PSD3: variants seen among roughly 807,000 people sequenced by gnomAD.
PSD3 encodes PH and SEC7 domain-containing protein 3.
A neutral mutation model predicts 105.5 loss-of-function variants in PSD3; 49 were observed. The observed-to-expected ratio is 0.46, with a 90% CI of 0.37 to 0.59. The LOEUF is 0.59. PSD3 is among the 20% of genes least tolerant of loss of function. The pLI is 0.00. For synonymous variants in PSD3, 557 were observed against 457.8 expected, an observed-to-expected ratio of 1.22 and a Z score of -2.77; for missense variants, 1,561 against 1,263.8, an observed-to-expected ratio of 1.24 and a Z score of -3.57.
intron 12 of PSD3, among the ~76,000 whole-genome samples, chr8:18,577,085 GT>G (rs1802505795): frequency 6.6e-6 from 1 of 151,972 alleles, no homozygotes; most frequent in African/African-American, 2.4e-5. Context: ...GGGTTACACT[GT>G]GTAGCAGAGT....
rs17127333 is a variant in PSD3, at chr8:18,853,091, T to C, written c.1634+14583A>G. 0.012 allele frequency among the ~76,000 whole-genome samples: 1,866 copies of C among 152,272 alleles called. 125 individuals are homozygous for C. In the East Asian group the frequency reaches 0.23, roughly 19 times the overall value. On this transcript the variant is annotated intron_variant, in intron 4 of 15. Coordinates refer to ENST00000327040, the MANE Select transcript of PSD3 (RefSeq NM_015310.4). ...AGAGCCACTCTGCTTATGTCTCTCA[T>C]AAAATATATTTCATGGCCTTTTTCC...
chr8:18,925,406 TAC>T (rs1554543908), intron 2 of PSD3, among the ~76,000 whole-genome samples: 1 of 151,252 alleles, frequency 6.6e-6, no homozygotes, highest in African/African-American at 2.4e-5. Context: ...TATATATATA[TAC>T]ACACACACAC....
chr8:19,053,009 T>C (rs1046802293), intron 1 of PSD3, among the ~76,000 whole-genome samples: 1 of 152,144 alleles, frequency 6.6e-6, no homozygotes, highest in Non-Finnish European at 1.5e-5. Flanking sequence ...ATGAGCAGCC[T>C]GGAGCCAGGG....
chr8:18,602,332 A>C (rs180995232), intron 11 of PSD3, among the ~76,000 whole-genome samples: 5 of 152,280 alleles, frequency 3.3e-5, no homozygotes, highest in Middle Eastern at 6.8e-3. Context: ...TCTCCAAGCG[A>C]AATGTGATTT....
At chr8:18,764,017 G>A (rs1806762981) in intron 9 of PSD3, among the ~76,000 whole-genome samples, 1 of 152,202 alleles carries the variant, frequency 6.6e-6, no homozygotes, top group Admixed American at 6.5e-5. Flanking sequence ...AAGGTGAACA[G>A]TAGCCTCTGG....
At chr8:18,882,544 G>A (rs1434426234) in intron 2 of PSD3, among the ~76,000 whole-genome samples, 2 of 152,092 alleles carry the variant, frequency 1.3e-5, no homozygotes, top group African/African-American at 4.8e-5. Flanking sequence ...ACAAAGTTCA[G>A]GCAGTGGTAA....
At chr8:18,541,211 C>T (rs1181831400) in intron 15 of PSD3, among the ~76,000 whole-genome samples, 1 of 149,818 alleles carries the variant, frequency 6.7e-6, no homozygotes, top group Non-Finnish European at 1.5e-5. Flanking sequence ...TACTAGATAC[C>T]ATCACATGAG....
chr8:18,771,074 TTCTC>T (rs1807478445), intron 8 of PSD3, among the ~76,000 whole-genome samples: 1 of 152,202 alleles, frequency 6.6e-6, no homozygotes, highest in Admixed American at 6.5e-5. Context: ...GTCAAGCCAC[TTCTC>T]TCTGACATCC....
intron 4 of PSD3, among the ~76,000 whole-genome samples, chr8:18,848,131 TA>T (rs11464716): frequency 3.2e-4 from 48 of 149,332 alleles, no homozygotes; most frequent in African/African-American, 9.6e-4. Context: ...TTTCGAGAGT[TA>T]AAAAAAAAAA....
intron 11 of PSD3, among the ~76,000 whole-genome samples, chr8:18,615,148 TA>T (rs1430326492): frequency 1.0e-5 from 1 of 95,444 alleles, no homozygotes; most frequent in African/African-American, 3.4e-5. Context: ...CTTTTTCGAT[TA>T]CCTACTCCAC....
chr8:18,576,118 C>G (rs989963779), intron 12 of PSD3, among the ~76,000 whole-genome samples: 5 of 152,052 alleles, frequency 3.3e-5, no homozygotes. Context: ...CAAATTTTCA[C>G]AAAAACAATG....
intron 4 of PSD3, among the ~76,000 whole-genome samples, chr8:18,824,104 T>C (rs1350108188): frequency 6.6e-6 from 1 of 152,156 alleles, no homozygotes; most frequent in Admixed American, 6.5e-5. Flanking sequence ...GCCCAGGACT[T>C]TGAGGCTACA....
intron 9 of PSD3, among the ~76,000 whole-genome samples, chr8:18,687,610 C>T (rs28639559): frequency 0.017 from 2,575 of 152,000 alleles, 71 homozygotes; most frequent in African/African-American, 0.057. Flanking sequence ...TCCCTCTGCC[C>T]GAAACAAGAA....
chr8:18,928,048 A>T (rs1821487072), intron 2 of PSD3, among the ~76,000 whole-genome samples: 1 of 152,242 alleles, frequency 6.6e-6, no homozygotes, highest in Non-Finnish European at 1.5e-5. Context: ...CTTGTACAAC[A>T]GTTCTCCTAA....
At chr8:18,591,304 G>C (rs1803586557) in intron 12 of PSD3, among the ~76,000 whole-genome samples, 1 of 152,158 alleles carries the variant, frequency 6.6e-6, no homozygotes, top group East Asian at 1.9e-4. Context: ...TTTTCAGAGG[G>C]CTGCCTGGGT....
At chr8:18,954,634 G>C (rs1823448704) in intron 1 of PSD3, among the ~76,000 whole-genome samples, 3 of 152,084 alleles carry the variant, frequency 2.0e-5, no homozygotes, top group Admixed American at 2.0e-4. Context: ...AGTGGTGGAG[G>C]GGATGCACAA....
intron 4 of PSD3, among the ~76,000 whole-genome samples, chr8:18,818,526 C>T (rs947095963): frequency 1.3e-5 from 2 of 152,088 alleles, no homozygotes; most frequent in South Asian, 4.1e-4. Flanking sequence ...TATTTTAAGA[C>T]TGAAATCATG....
rs570707195 is a variant in PSD3, at chr8:18,808,956, G to A, written c.1635-4058C>T. ...TTCTCAGCCGAGTGTTCATTGTTGC[G>A]GTTTCTGTAATGTTTCTGCAGTTCT... On this transcript the variant is annotated intron_variant, in intron 4 of 15. Transcript: ENST00000327040. The A allele has an allele frequency of 1.3e-3, 1,791 of 1,428,186 alleles. 7 individuals are homozygous for A. The highest frequency in any genetic ancestry group is 8.8e-3 in the South Asian group (559 of 63,404). The allele number at this position is 1,428,186 out of a possible 1,614,324, so 88.5% of individuals were successfully genotyped here.
In PSD3 at chr8:18,641,680, T is replaced by G. The variant is rs948792531; in HGVS notation, c.2217-8874A>C. On this transcript the variant is annotated intron_variant, in intron 10 of 15. Transcript: ENST00000327040. ...GTGGGTGAATTTTATGGCATAAAAA[T>G]TACACCTCAATAAAGCAGTTTAAAA... Among the ~76,000 whole-genome samples the G allele has an allele frequency of 2.6e-5, 4 of 152,138 alleles. No homozygotes were observed. In the East Asian group the frequency reaches 7.8e-4, roughly 29 times the overall value.
Sources: gnomAD v4.1 joint callset for allele counts (sites outside exome capture counted in the v4.1 genomes callset) on GRCh38, gnomAD v4.1.1 for gene constraint, MANE v1.5 for transcripts, NCBI Gene and HGNC (gene_info 2026-07-23, HGNC 2026-07-21) for gene names.